Variants in SSH2 observed in about 807,000 individuals in gnomAD.
SSH2 encodes slingshot protein phosphatase 2.
In SSH2, 37 loss-of-function variants were observed where a neutral mutation model predicts 135.2. That is an observed-to-expected ratio of 0.27 (90% CI 0.21 to 0.36). The LOEUF (loss-of-function observed/expected upper bound fraction) is 0.36, where lower values mean the gene tolerates loss of function less well. Ranked by LOEUF, SSH2 falls within the 10% of genes least tolerant of loss-of-function variation. The pLI is 1.00. For missense variants in SSH2, 1,408 were observed against 1,765.3 expected (o/e 0.80, Z 3.63); for synonymous variants, 628 against 646.2 (o/e 0.97, Z 0.43).
At chr17:29,668,772 C>T (rs1004492664) in intron 9 of SSH2, among the ~76,000 whole-genome samples, 1 of 151,908 alleles carries the variant, frequency 6.6e-6, no homozygotes, top group African/African-American at 2.4e-5. Flanking sequence ...AATTTTAGTA[C>T]CTGTGTTCAT....
intron 6 of SSH2, 24 bp from the exon 7 acceptor site, chr17:29,677,765 T>C (rs374206817): frequency 2.6e-5 from 41 of 1,592,102 alleles, no homozygotes; most frequent in Non-Finnish European, 3.3e-5. Context: ...AGTAGTCCAA[T>C]AGTTACTCCC....
intron 1 of SSH2, chr17:29,928,396 T>C: frequency 2.5e-6 from 1 of 396,700 alleles, no homozygotes; most frequent in Non-Finnish European, 4.4e-6. Flanking sequence ...TTAGAAATAG[T>C]CTTAGAAGTC....
chr17:29,713,760 A>C (rs2039522746), intron 3 of SSH2, among the ~76,000 whole-genome samples: 1 of 152,184 alleles, frequency 6.6e-6, no homozygotes, highest in Admixed American at 6.5e-5. Context: ...AGACCTTCTC[A>C]TGACACCACT....
intron 4 of SSH2, among the ~76,000 whole-genome samples, chr17:29,699,296 T>C (rs2038886659): frequency 6.6e-6 from 1 of 152,178 alleles, no homozygotes; most frequent in African/African-American, 2.4e-5. Context: ...ATATTTCAAA[T>C]GCAGCCCAGT....
chr17:29,674,877 T>A (rs934801957), intron 8 of SSH2, among the ~76,000 whole-genome samples: 3 of 152,254 alleles, frequency 2.0e-5, no homozygotes, highest in African/African-American at 7.2e-5. Context: ...TTGGGCCGCA[T>A]GCAAAGCCAT....
intron 14 of SSH2, among the ~76,000 whole-genome samples, chr17:29,647,013 G>A (rs960593971): frequency 2.0e-5 from 3 of 150,988 alleles, no homozygotes; most frequent in East Asian, 2.0e-4. Flanking sequence ...GGTGGCTCAC[G>A]CTTGTAATCC....
intron 15 of SSH2, 50 bp downstream of exon 15, chr17:29,635,918 A>G (rs746559520): frequency 7.4e-7 from 1 of 1,344,198 alleles, no homozygotes; most frequent in Non-Finnish European, 1.0e-6. Flanking sequence ...CAAATAATTT[A>G]CCTTTGAAGA....
chr17:29,868,467 G>T (rs940997383), intron 1 of SSH2, among the ~76,000 whole-genome samples: 4 of 152,184 alleles, frequency 2.6e-5, no homozygotes, highest in Non-Finnish European at 4.4e-5. Flanking sequence ...GCTGGGTGCG[G>T]TGTCTCATGC....
chr17:29,672,453 G>A (rs893308341), intron 8 of SSH2, among the ~76,000 whole-genome samples: 7 of 152,108 alleles, frequency 4.6e-5, no homozygotes, highest in South Asian at 2.1e-4. Context: ...AGTGACTGCC[G>A]TATCATTAGA....
At chr17:29,703,924 C>G (rs1409677279) in intron 3 of SSH2, among the ~76,000 whole-genome samples, 11 of 152,180 alleles carry the variant, frequency 7.2e-5, no homozygotes, top group Non-Finnish European at 1.5e-4. Context: ...CAGTTAAGAG[C>G]GCAGGCTCTG....
intron 4 of SSH2, among the ~76,000 whole-genome samples, chr17:29,696,174 T>TACACACACAC (rs199942164): frequency 1.5e-5 from 2 of 137,126 alleles, no homozygotes; most frequent in African/African-American, 5.4e-5. Flanking sequence ...TGTATATATA[T>TACACACACAC]ACACACACAC....
chr17:29,809,719 C>T (rs1158583641), intron 2 of SSH2, among the ~76,000 whole-genome samples: 2 of 151,960 alleles, frequency 1.3e-5, no homozygotes, highest in African/African-American at 4.8e-5. Context: ...CCGTGCCCAG[C>T]TCATTAAAAA....
chr17:29,777,136 T>C (rs2041721129), intron 3 of SSH2, among the ~76,000 whole-genome samples: 1 of 151,490 alleles, frequency 6.6e-6, no homozygotes, highest in African/African-American at 2.4e-5. Flanking sequence ...TGCTTGAATC[T>C]GGAAGATGGA....
chr17:29,669,395 T>C (rs992098870), intron 9 of SSH2, among the ~76,000 whole-genome samples: 3 of 152,220 alleles, frequency 2.0e-5, no homozygotes, highest in Non-Finnish European at 4.4e-5. Flanking sequence ...TTTCCTTAGA[T>C]TTCAAAATAT....
chr17:29,870,613 G>A (rs1290201498), intron 1 of SSH2, among the ~76,000 whole-genome samples: 1 of 152,150 alleles, frequency 6.6e-6, no homozygotes, highest in African/African-American at 2.4e-5. Flanking sequence ...AACCAGATTT[G>A]ATTAAACTCT....
chr17:29,923,436 G>A (rs925108281), intron 1 of SSH2, among the ~76,000 whole-genome samples: 3 of 151,846 alleles, frequency 2.0e-5, no homozygotes, highest in African/African-American at 7.3e-5. Flanking sequence ...CTGGGCAACA[G>A]GATGAGACCC....
chr17:29,759,633 T>G (rs995849544), intron 3 of SSH2, among the ~76,000 whole-genome samples: 1 of 152,196 alleles, frequency 6.6e-6, no homozygotes, highest in African/African-American at 2.4e-5. Context: ...TGAATTTGAC[T>G]TCTATAGATA....
At chr17:29,641,922 C>T (rs1405327316) in intron 14 of SSH2, among the ~76,000 whole-genome samples, 1 of 141,984 alleles carries the variant, frequency 7.0e-6, no homozygotes, top group Non-Finnish European at 1.5e-5. Context: ...CTAGCCTGGG[C>T]AATATAGACA....
At chr17:29,743,010 C>T (rs545795859) in intron 3 of SSH2, among the ~76,000 whole-genome samples, 129 of 152,222 alleles carry the variant, frequency 8.5e-4, no homozygotes, top group African/African-American at 2.9e-3. Flanking sequence ...CAGCTCACTG[C>T]AACCTCCACC....
Sources: allele counts gnomAD v4.1 joint callset (sites outside exome capture counted in the v4.1 genomes callset), GRCh38; gene constraint gnomAD v4.1.1; transcripts MANE v1.5; gene names NCBI Gene and HGNC (gene_info 2026-07-23, HGNC 2026-07-21).